Variants in PKNOX2 observed in about 807,000 individuals in gnomAD.
PKNOX2 encodes the protein PBX/knotted 1 homeobox 2, also known as homeobox protein PKNOX2.
Under a neutral mutation model 53.1 loss-of-function variants are expected in PKNOX2, and 14 were observed. The ratio of observed to expected loss-of-function variants is 0.26; its 90% CI spans 0.17 to 0.41. PKNOX2 has a LOEUF of 0.41. Ranked by LOEUF, PKNOX2 falls within the 10% of genes least tolerant of loss-of-function variation. PKNOX2 has a pLI of 1.00. For missense variants in PKNOX2, 496 were observed against 602.8 expected (o/e 0.82, Z 1.85); for synonymous variants, 257 against 242.8 (o/e 1.06, Z -0.54).
At chr11:125,430,431 A>G (rs1028361557) in intron 12 of PKNOX2, among the ~76,000 whole-genome samples, 6 of 152,204 alleles carry the variant, frequency 3.9e-5, no homozygotes, top group Non-Finnish European at 7.4e-5. Flanking sequence ...CCTTAGCACC[A>G]GTAAGTATCT....
intron 2 of PKNOX2, among the ~76,000 whole-genome samples, chr11:125,236,789 G>A (rs977364452): frequency 1.3e-5 from 2 of 152,188 alleles, no homozygotes; most frequent in Non-Finnish European, 2.9e-5. Context: ...AGACGGGGAG[G>A]CAGGCTCAGG....
chr11:125,252,625 T>C (rs1944090785), intron 2 of PKNOX2, among the ~76,000 whole-genome samples: 1 of 151,934 alleles, frequency 6.6e-6, no homozygotes, highest in African/African-American at 2.4e-5. Context: ...GGTTTCTGGT[T>C]TGGGCAACTG....
chr11:125,381,593 C>T (rs554976884), intron 5 of PKNOX2, among the ~76,000 whole-genome samples: 1 of 152,126 alleles, frequency 6.6e-6, no homozygotes, highest in East Asian at 1.9e-4. Context: ...GAAGACAGAC[C>T]CTGGCTGTGG....
At chr11:125,393,687 GA>G (rs1321739427) in intron 6 of PKNOX2, among the ~76,000 whole-genome samples, 1 of 152,096 alleles carries the variant, frequency 6.6e-6, no homozygotes, top group African/African-American at 2.4e-5. Flanking sequence ...GAGGTGTTTG[GA>G]CCCCGGGGGG....
chr11:125,234,225 G>A (rs771642776), intron 1 of PKNOX2, among the ~76,000 whole-genome samples: 11 of 152,170 alleles, frequency 7.2e-5, no homozygotes, highest in Non-Finnish European at 1.3e-4. Flanking sequence ...AATAGGCATC[G>A]CTTCTGTACA....
At chr11:125,258,894 G>T in intron 2 of PKNOX2, 1 of 388,846 alleles carries the variant, frequency 2.6e-6, no homozygotes, top group Non-Finnish European at 5.2e-6. Context: ...AGGAGCTCCT[G>T]CTGCAGCCTC....
chr11:125,259,634 G>A (rs142956614), intron 2 of PKNOX2, among the ~76,000 whole-genome samples: 22 of 152,324 alleles, frequency 1.4e-4, no homozygotes, highest in Non-Finnish European at 2.4e-4. Context: ...GCCTCTGGCT[G>A]AAGGGCATCC....
chr11:125,289,490 T>C (rs1441571208), intron 2 of PKNOX2, among the ~76,000 whole-genome samples: 1 of 152,240 alleles, frequency 6.6e-6, no homozygotes, highest in African/African-American at 2.4e-5. Flanking sequence ...TGCACTTTGC[T>C]ACCTCTAGCC....
At chr11:125,289,280 T>G (rs1476231615) in intron 2 of PKNOX2, among the ~76,000 whole-genome samples, 1 of 152,220 alleles carries the variant, frequency 6.6e-6, no homozygotes, top group Non-Finnish European at 1.5e-5. Context: ...ACTGACTGCA[T>G]GCCACATGCT....
chr11:125,397,632 G>A (rs1202385178), intron 6 of PKNOX2, among the ~76,000 whole-genome samples: 1 of 152,218 alleles, frequency 6.6e-6, no homozygotes, highest in Non-Finnish European at 1.5e-5. Context: ...AAGAACAGCT[G>A]TGATAACAGA....
At chr11:125,291,346 C>T (rs1476136801) in intron 2 of PKNOX2, among the ~76,000 whole-genome samples, 1 of 152,110 alleles carries the variant, frequency 6.6e-6, no homozygotes, top group Non-Finnish European at 1.5e-5. Context: ...TACTCCTCAG[C>T]TTGGACTCAT....
chr11:125,390,023 C>T (rs1172782981), intron 6 of PKNOX2, among the ~76,000 whole-genome samples: 1 of 152,126 alleles, frequency 6.6e-6, no homozygotes, highest in Non-Finnish European at 1.5e-5. Flanking sequence ...AGGCCAGCGG[C>T]ATTCAGAGAC....
At chr11:125,429,578 A>G (rs1956594623) in intron 11 of PKNOX2, among the ~76,000 whole-genome samples, 2 of 152,110 alleles carry the variant, frequency 1.3e-5, no homozygotes, top group Non-Finnish European at 2.9e-5. Flanking sequence ...CTGTCAGGGG[A>G]GCTCAGAGAG....
In PKNOX2 at chr11:125,255,367, T is replaced by C. The variant is rs548870522; in HGVS notation, c.-130+20252T>C. On this transcript the variant is annotated intron_variant, in intron 2 of 12. Transcript: ENST00000298282. ...TCGCTCATATCATGAGGTTGGGCAT[T>C]TGAAATGAGCCCAGCCCACCCCCGG... Among the ~76,000 whole-genome samples, 348 of 152,266 alleles carry C rather than the reference T, an allele frequency of 2.3e-3. 1 individual carries two copies. The highest frequency in any genetic ancestry group is 9.3e-3 in the South Asian group (45 of 4,814).
chr11:125,344,721 A>C (rs1305117779), intron 3 of PKNOX2, among the ~76,000 whole-genome samples: 1 of 152,172 alleles, frequency 6.6e-6, no homozygotes, highest in African/African-American at 2.4e-5. Context: ...TTGCCTCCCC[A>C]CTGAGTATTC....
intron 2 of PKNOX2, among the ~76,000 whole-genome samples, chr11:125,235,984 TG>T (rs781406276): frequency 6.6e-6 from 1 of 152,232 alleles, no homozygotes; most frequent in East Asian, 1.9e-4. Flanking sequence ...ACGCTGCTTA[TG>T]GGGCTACCTG....
At chr11:125,384,602 T>G (rs1953494143) in intron 5 of PKNOX2, among the ~76,000 whole-genome samples, 1 of 152,268 alleles carries the variant, frequency 6.6e-6, no homozygotes, top group East Asian at 1.9e-4. Flanking sequence ...GAGAATGGCG[T>G]GAACCCAGGG....
chr11:125,338,993 G>A (rs73621102), intron 3 of PKNOX2, among the ~76,000 whole-genome samples: 2,675 of 152,306 alleles, frequency 0.018, 86 homozygotes, highest in African/African-American at 0.06. Flanking sequence ...CCCATTCCTA[G>A]TATTCAAAGA....
chr11:125,195,919 AC>A (rs1207740752), intron 1 of PKNOX2, among the ~76,000 whole-genome samples: 132 of 138,000 alleles, frequency 9.6e-4, no homozygotes, highest in African/African-American at 3.3e-3. Flanking sequence ...ACACACACAC[AC>A]ACAATTCATT....
Sources: allele counts gnomAD v4.1 joint callset (sites outside exome capture counted in the v4.1 genomes callset), GRCh38; gene constraint gnomAD v4.1.1; transcripts MANE v1.5; gene names NCBI Gene and HGNC (gene_info 2026-07-23, HGNC 2026-07-21).